The following LRRC2 variants were observed in gnomAD, a reference collection of about 807,000 sequenced individuals.
LRRC2 encodes leucine-rich repeat-containing protein 2.
LRRC2 carries 27 observed loss-of-function variants against 40.2 expected under a neutral mutation model. That is an observed-to-expected ratio of 0.67 (90% CI 0.49 to 0.93). The LOEUF is 0.93. LRRC2 is among the 40% of genes least tolerant of loss of function. The pLI is 0.00. For missense variants in LRRC2, 402 were observed against 439.6 expected, an observed-to-expected ratio of 0.91 and a Z score of 0.76; for synonymous variants, 147 against 158.9, an observed-to-expected ratio of 0.92 and a Z score of 0.56.
At chr3:46,553,591 G>C (rs1704714851) in intron 1 of LRRC2, among the ~76,000 whole-genome samples, 1 of 152,098 alleles carries the variant, frequency 6.6e-6, no homozygotes, top group African/African-American at 2.4e-5. Context: ...GGGCTCAGGG[G>C]ATCCTCCCAT....
At chr3:46,554,711 T>C (rs1704749354) in intron 1 of LRRC2, among the ~76,000 whole-genome samples, 1 of 152,036 alleles carries the variant, frequency 6.6e-6, no homozygotes, top group Non-Finnish European at 1.5e-5. Context: ...GTTAAAATGA[T>C]GCACAAGTTT....
At chr3:46,543,508 C>G (rs1210757688) in intron 3 of LRRC2, among the ~76,000 whole-genome samples, 1 of 151,818 alleles carries the variant, frequency 6.6e-6, no homozygotes, top group Admixed American at 6.6e-5. Context: ...CCCAGCTACT[C>G]GGGAGGCTGA....
chr3:46,529,913 A>G lies in LRRC2; in HGVS notation c.765T>C (p.Asp255=). ...AGAATGCAAGTAGCTACCTGTCTATATCTTGCGGCAGGTCGGTCAGGTTAT... is the reference window on the plus strand; with the variant it reads ...AGAATGCAAGTAGCTACCTGTCTATGTCTTGCGGCAGGTCGGTCAGGTTAT... ...SSNNLTDLPQ[D]IDRLEELQSF... Residue 255 remains aspartate (D), a synonymous_variant, in exon 6 of 9, where the codon GAT becomes GAC. Coordinates refer to ENST00000395905, the MANE Select transcript of LRRC2 (RefSeq NM_024512.5). 1.2e-6 allele frequency: 2 copies of G among 1,614,146 alleles called. No individual in the cohort carries two copies. The highest frequency in any genetic ancestry group is 2.2e-5 in the East Asian group (1 of 44,880).
intron 1 of LRRC2, among the ~76,000 whole-genome samples, chr3:46,552,632 G>A (rs1704685951): frequency 6.6e-6 from 1 of 151,976 alleles, no homozygotes; most frequent in African/African-American, 2.4e-5. Flanking sequence ...TGTTCTCCAG[G>A]GTAGTCTCTG....
Position 46,527,493 on chromosome 3 carries a change from ACAGAGTGAGCTTCTT to A in LRRC2, c.847_861del (p.Lys283_Leu287del). The A allele has an allele frequency of 6.2e-7, 1 of 1,614,032 alleles. No individual in the cohort carries two copies. Reference sequence around the variant, plus strand: ...ACCAAATGGTCCCCACTGACGACTAACAGAGTGAGCTTCTTCAGGTTCAGCATGGAATAGGGAAGG... The same window carrying A: ...ACCAAATGGTCCCCACTGACGACTAACAGGTTCAGCATGGAATAGGGAAGG... On this transcript the variant is annotated inframe_deletion, in exon 7 of 9. Transcript: ENST00000395905.
chr3:46,524,517 G>C (rs1704022402), intron 7 of LRRC2, among the ~76,000 whole-genome samples: 1 of 152,224 alleles, frequency 6.6e-6, no homozygotes, highest in East Asian at 1.9e-4. Context: ...CTTCAGGACA[G>C]AGCGGTGCGC....
chr3:46,522,236 G>A (rs1703976320), intron 7 of LRRC2, among the ~76,000 whole-genome samples: 1 of 151,902 alleles, frequency 6.6e-6, no homozygotes, highest in Non-Finnish European at 1.5e-5. Flanking sequence ...TTAGCTGGGT[G>A]TGGTGGCAGG....
At chr3:46,533,803 C>A (rs201846740) in intron 4 of LRRC2, among the ~76,000 whole-genome samples, 12 of 122,034 alleles carry the variant, frequency 9.8e-5, no homozygotes, top group Admixed American at 6.8e-4. Flanking sequence ...TTCTTTGTTT[C>A]TTTCTTTCTT....
intron 4 of LRRC2, among the ~76,000 whole-genome samples, chr3:46,533,775 T>TTTTCTTTCTTTCTTTCTTTCTTTCTTTG (rs530379114): frequency 1.1e-5 from 1 of 93,000 alleles, no homozygotes; most frequent in Non-Finnish European, 2.6e-5. Context: ...CCTCCCTCTC[T>TTTTCTTTCTTTCTTTCTTTCTTTCTTTG]TTTCTTTCTT....
Position 46,518,926 on chromosome 3 carries a change from C to T in LRRC2, c.*88G>A, listed in dbSNP as rs1319078678. 1 of 963,634 alleles carries T rather than the reference C, an allele frequency of 1.0e-6. No homozygotes were observed. The highest frequency in any genetic ancestry group is 1.7e-6 in the Non-Finnish European group (1 of 601,192). 59.7% of individuals were successfully genotyped at this position (963,634 alleles called of 1,614,324 possible). A position where few individuals can be genotyped will look rare whatever the true frequency, so the allele number is the denominator to read the frequency against. ...GGTTTCTAGACTTTGTCCTTAAGCA[C>T]AAGCCATTCTTCCTATATGACATGA... is the stretch of plus-strand genomic sequence containing the variant. On this transcript the variant is annotated 3_prime_UTR_variant, in exon 9 of 9. Coordinates refer to ENST00000395905, the MANE Select transcript of LRRC2 (RefSeq NM_024512.5).
chr3:46,518,763 C>G lies in LRRC2; in HGVS notation c.*251G>C, dbSNP rs981885382. The G allele has an allele frequency of 1.5e-4, 63 of 411,640 alleles. No individual in the cohort carries two copies. The highest frequency in any genetic ancestry group is 1.9e-4 in the Non-Finnish European group (45 of 233,832). 25.5% of individuals were successfully genotyped at this position (411,640 alleles called of 1,614,324 possible). A position where few individuals can be genotyped will look rare whatever the true frequency, so the allele number is the denominator to read the frequency against. ...GACATTTTAAAACATATTAAATGTG[C>G]ATTATTTGGAAAAAAGTATATGCAA... On this transcript the variant is annotated 3_prime_UTR_variant, in exon 9 of 9. Transcript: ENST00000395905.
chr3:46,543,067 G>A (rs528325145), intron 3 of LRRC2, among the ~76,000 whole-genome samples: 1 of 152,176 alleles, frequency 6.6e-6, no homozygotes, highest in Non-Finnish European at 1.5e-5. Context: ...CTTAGTCAGA[G>A]GTGAGGCCGA....
At chr3:46,547,298 C>T (rs1432091030) in intron 2 of LRRC2, among the ~76,000 whole-genome samples, 1 of 152,138 alleles carries the variant, frequency 6.6e-6, no homozygotes, top group Non-Finnish European at 1.5e-5. Context: ...CAGTGAGCTG[C>T]GCTGGGGAAA....
At chr3:46,527,978 C>T (rs55786118) in intron 6 of LRRC2, among the ~76,000 whole-genome samples, 15,662 of 152,228 alleles carry the variant, frequency 0.1, 1,182 homozygotes, top group East Asian at 0.35. Context: ...GTCTGCCCAC[C>T]TCAGCCTCCC....
At chr3:46,554,486 A>G (rs1410410160) in intron 1 of LRRC2, among the ~76,000 whole-genome samples, 2 of 152,032 alleles carry the variant, frequency 1.3e-5, no homozygotes, top group Admixed American at 1.3e-4. Context: ...TCTACTAAAA[A>G]TTACAAAAAT....
At chr3:46,548,732 A>G (rs1487767504) in intron 2 of LRRC2, among the ~76,000 whole-genome samples, 3 of 152,120 alleles carry the variant, frequency 2.0e-5, no homozygotes, top group Non-Finnish European at 2.9e-5. Context: ...GCAGTCCTCA[A>G]CCTTTTTGGC....
At chr3:46,535,266 C>G (rs1159782151) in intron 4 of LRRC2, among the ~76,000 whole-genome samples, 7 of 152,174 alleles carry the variant, frequency 4.6e-5, no homozygotes, top group Non-Finnish European at 1.5e-5. Context: ...AATTGTGATA[C>G]TCACATGTCA....
At chr3:46,519,999 T>C (rs946345237) in intron 8 of LRRC2, among the ~76,000 whole-genome samples, 15 of 151,896 alleles carry the variant, frequency 9.9e-5, no homozygotes, top group African/African-American at 3.6e-4. Flanking sequence ...CTAATACATA[T>C]GAATATATAC....
At chr3:46,555,339 C>A (rs1704768507) in intron 1 of LRRC2, among the ~76,000 whole-genome samples, 1 of 152,064 alleles carries the variant, frequency 6.6e-6, no homozygotes, top group Admixed American at 6.5e-5. Flanking sequence ...GTATGTATGC[C>A]ATTTATATTT....
Sources: gnomAD v4.1 joint callset for allele counts (sites outside exome capture counted in the v4.1 genomes callset) on GRCh38, gnomAD v4.1.1 for gene constraint, MANE v1.5 for transcripts, NCBI Gene and HGNC (gene_info 2026-07-23, HGNC 2026-07-21) for gene names.